LRRK2: variants seen among roughly 807,000 people sequenced by gnomAD.
The protein encoded by LRRK2 is leucine-rich repeat serine/threonine-protein kinase 2.
In LRRK2, 203 loss-of-function variants were observed where a neutral mutation model predicts 302.6. The observed-to-expected ratio is 0.67, with a 90% CI of 0.60 to 0.75. LRRK2 has a LOEUF of 0.75. Among genes scored for constraint, LRRK2 ranks in the 30% least tolerant of loss-of-function variants. The pLI is 0.00. For missense variants in LRRK2, 2,830 were observed against 2,951.0 expected (o/e 0.96, Z 0.95); for synonymous variants, 1,066 against 1,031.9 (o/e 1.03, Z -0.63).
At chr12:40,343,624 G>A (rs918688766) in intron 41 of LRRK2, among the ~76,000 whole-genome samples, 1 of 152,132 alleles carries the variant, frequency 6.6e-6, no homozygotes, top group Admixed American at 6.5e-5. Context: ...TTGTTAAAAT[G>A]CAGGCTTCTC....
Position 40,294,919 on chromosome 12 carries a change from G to A in LRRK2, c.2878+5G>A. On this transcript the variant is annotated splice_donor_5th_base_variant and intron_variant, in intron 22 of 50. Coordinates refer to ENST00000298910, the MANE Select transcript of LRRK2 (RefSeq NM_198578.4). ...TATCTTCAGATGATTCACTCAGTAA[G>A]TATTTGGATGTAATCATAAGTAAAT... 6.8e-7 allele frequency: 1 copy of A among 1,466,224 alleles called. No individual in the cohort carries two copies. The highest frequency in any genetic ancestry group is 1.2e-5 in the South Asian group (1 of 85,068). The allele number at this position is 1,466,224 out of a possible 1,614,324, so 90.8% of individuals were successfully genotyped here.
intron 7 of LRRK2, among the ~76,000 whole-genome samples, chr12:40,245,789 T>G (rs898516795): frequency 2.0e-5 from 3 of 152,122 alleles, no homozygotes; most frequent in Non-Finnish European, 4.4e-5. Flanking sequence ...ATGCAAATGA[T>G]TTTTTGTATA....
At chr12:40,283,270 C>T (rs1403546451) in intron 18 of LRRK2, among the ~76,000 whole-genome samples, 1 of 152,104 alleles carries the variant, frequency 6.6e-6, no homozygotes, top group East Asian at 1.9e-4. Flanking sequence ...ACATGCTAAC[C>T]CACCCTGAAC....
chr12:40,291,364 C>A (rs1368057602), intron 20 of LRRK2, among the ~76,000 whole-genome samples: 1 of 151,404 alleles, frequency 6.6e-6, no homozygotes, highest in Non-Finnish European at 1.5e-5. Flanking sequence ...ACCAGCATGG[C>A]ACATGTATAC....
intron 18 of LRRK2, among the ~76,000 whole-genome samples, chr12:40,281,738 A>G (rs1363049521): frequency 1.3e-5 from 2 of 152,226 alleles, no homozygotes; most frequent in Non-Finnish European, 2.9e-5. Flanking sequence ...TCATGGCACC[A>G]TATGCCTAAA....
At chr12:40,350,402 G>A (rs921515427) in intron 43 of LRRK2, among the ~76,000 whole-genome samples, 10 of 152,154 alleles carry the variant, frequency 6.6e-5, no homozygotes, top group Admixed American at 4.6e-4. Context: ...TCCTTATGGT[G>A]TCAGATCTTC....
At chr12:40,301,182 C>T (rs1944611292) in intron 25 of LRRK2, 1 of 451,084 alleles carries the variant, frequency 2.2e-6, no homozygotes, top group East Asian at 7.0e-5. Context: ...TGAGAAGATG[C>T]CCCATGGAGG....
rs899111399 is a variant in LRRK2, at chr12:40,313,599, C to T, written c.4537-373C>T. On this transcript the variant is annotated intron_variant, in intron 31 of 50. Transcript: ENST00000298910. ...TATCCAAAAGCTCTTGTAATTTGTA[C>T]TGATATCTTATACTAGCGTGTCTGT... is the stretch of plus-strand genomic sequence containing the variant. Among the ~76,000 whole-genome samples the T allele has an allele frequency of 1.1e-4, 17 of 151,858 alleles. 1 individual carries two copies. Among genetic ancestry groups the T allele is most frequent in the Admixed American group, 7.2e-4 (11 of 15,200 alleles).
In LRRK2 at chr12:40,369,138, C is replaced by CA. The variant is rs531520838; in HGVS notation, c.*1380dup. 1.1e-4 allele frequency: 17 copies of CA among 151,692 alleles called. No individual in the cohort carries two copies. Among genetic ancestry groups the CA allele is most frequent in the African/African-American group, 4.1e-4 (17 of 41,430 alleles). The allele number at this position is 151,692 out of a possible 1,614,324, so 9.4% of individuals were successfully genotyped here. ...ATGCTTTAACTTGTTATGTAATTAACAAAAAAATCATATATAATAGAGCTC... is the reference window on the plus strand; with the variant it reads ...ATGCTTTAACTTGTTATGTAATTAACAAAAAAAATCATATATAATAGAGCTC... On this transcript the variant is annotated 3_prime_UTR_variant, in exon 51 of 51. Transcript: ENST00000298910.
rs781020785 is a variant in LRRK2 at position 40,309,218 on chromosome 12, G to A, written c.4302G>A (p.Trp1434Ter). The A allele has an allele frequency of 6.2e-7, 1 of 1,613,542 alleles. No homozygotes were observed. The highest frequency in any genetic ancestry group is 8.5e-7 in the Non-Finnish European group (1 of 1,179,810). The change falls in exon 30 of 51, where the codon TGG becomes TGA. Residue 1434 changes from tryptophan to a stop codon, truncating the protein, a stop_gained. Transcript: ENST00000298910. LOFTEE classifies it high-confidence loss of function. ...CTGAAGTTGATGCCATGAAGCCTTG[G>A]CTCTTCAATATAAAGGTGATTTGTT... ...GQAEVDAMKP[W>*]LFNIKARASS...
At position 40,304,224 on chromosome 12, in the gene LRRK2, C is replaced by T. The variant is rs1944728004; in HGVS notation, c.3777+90C>T. ...TAAGTGATATTTAGCTTCTAAATACCAATTTCATGAAACTAGAAGCTTCCT... is the reference window on the plus strand; with the variant it reads ...TAAGTGATATTTAGCTTCTAAATACTAATTTCATGAAACTAGAAGCTTCCT... On this transcript the variant is annotated intron_variant, in intron 27 of 50. Transcript: ENST00000298910. 17 of 1,255,228 alleles carry T rather than the reference C, an allele frequency of 1.4e-5. No homozygotes were observed. The South Asian group carries it at 1.7e-4, about 13-fold the overall frequency. The allele number at this position is 1,255,228 out of a possible 1,614,324, so 77.8% of individuals were successfully genotyped here. A position where few individuals can be genotyped will look rare whatever the true frequency, so the allele number is the denominator to read the frequency against.
At position 40,240,545 on chromosome 12, in the gene LRRK2, T is replaced by A. The variant is rs1941677800; in HGVS notation, c.634T>A (p.Leu212Ile). 6.2e-7 allele frequency: 1 copy of A among 1,613,216 alleles called. No individual in the cohort carries two copies. The highest frequency in any genetic ancestry group is 1.3e-5 in the African/African-American group (1 of 74,894). ...NKDYMILLSALTNFKDEEEIV... is the reference protein window; with the variant it reads ...NKDYMILLSAITNFKDEEEIV... ...AGATTATATGATATTGTTAAGTGCGTTAACAAATTTTAAAGATGAAGAGGA... is the reference window on the plus strand; with the variant it reads ...AGATTATATGATATTGTTAAGTGCGATAACAAATTTTAAAGATGAAGAGGA... Residue 212 changes from leucine (L) to isoleucine (I), a missense_variant, in exon 6 of 51, where the codon TTA becomes ATA. Leu to Ile is a conservative substitution (Grantham distance 5). Transcript: ENST00000298910.
At position 40,303,995 on chromosome 12, in the gene LRRK2, G is replaced by A. The variant is rs1944718625; in HGVS notation, c.3638G>A (p.Gly1213Asp). 1 of 1,613,554 alleles carries A rather than the reference G, an allele frequency of 6.2e-7. No individual in the cohort carries two copies. The highest frequency in any genetic ancestry group is 8.5e-7 in the Non-Finnish European group (1 of 1,179,768). ...MSSNDIQYLPGPAHWKSLNLR... is the reference protein window; with the variant it reads ...MSSNDIQYLPDPAHWKSLNLR... Reference sequence around the variant, plus strand: ...AGCAATGATATTCAGTACCTACCAGGTCCCGCACACTGGAAATCTTTGAAC... The same window carrying A: ...AGCAATGATATTCAGTACCTACCAGATCCCGCACACTGGAAATCTTTGAAC... The change falls in exon 27 of 51, where the codon GGT becomes GAT. Residue 1213 changes from glycine (G) to aspartate (D), a missense_variant. Gly to Asp is a moderately conservative substitution (Grantham distance 94). Transcript: ENST00000298910.
chr12:40,305,695 G>A (rs1311083924), intron 27 of LRRK2, 90 bp from the exon 28 acceptor site: 2 of 1,132,668 alleles, frequency 1.8e-6, no homozygotes, highest in Non-Finnish European at 2.7e-6. Flanking sequence ...GATGGAATCT[G>A]TGAGCCTTTC....
At chr12:40,350,835 C>G (rs997316301) in intron 43 of LRRK2, among the ~76,000 whole-genome samples, 2 of 152,050 alleles carry the variant, frequency 1.3e-5, no homozygotes, top group African/African-American at 4.8e-5. Flanking sequence ...TTCACCTATA[C>G]TTAACAGAAT....
chr12:40,299,168 T>G lies in LRRK2; in HGVS notation c.3407T>G (p.Leu1136Arg), dbSNP rs1370220562. ...CTGAAGGAACTGAAGATTTTAAACC[T>G]TAGTAAGAACCACATTTCATCCCTA... The part of the protein sequence containing the change: ...LRLKELKILN[L>R]SKNHISSLSE... Residue 1136 changes from leucine (L) to arginine (R), a missense_variant, in exon 25 of 51, where the codon CTT becomes CGT. Around this residue, in one of 3 missense-constraint regions of LRRK2, gnomAD observed 2,121 missense variants for 2,148.0 expected, o/e 0.99. Coordinates refer to ENST00000298910, the MANE Select transcript of LRRK2 (RefSeq NM_198578.4). 2 of 1,613,426 alleles carry G rather than the reference T, an allele frequency of 1.2e-6. No homozygotes were observed. The highest frequency in any genetic ancestry group is 1.7e-6 in the Non-Finnish European group (2 of 1,179,770).
chr12:40,321,959 T>A (rs1945415437), intron 35 of LRRK2, 76 bp from the exon 36 acceptor site: 23 of 1,410,834 alleles, frequency 1.6e-5, no homozygotes, highest in Non-Finnish European at 2.2e-5. Context: ...TGTATTACAA[T>A]CACTTGTGTT....
chr12:40,363,471 T>G lies in LRRK2; in HGVS notation c.7098T>G (p.Ala2366=). The change falls in exon 48 of 51, where the codon GCT becomes GCG. Residue 2366 remains alanine (A), a synonymous_variant. Coordinates refer to ENST00000298910, the MANE Select transcript of LRRK2 (RefSeq NM_198578.4). Reference sequence around the variant, plus strand: ...TGGTAGACACTGCTCTCTATATTGCTAAGCAAAATAGCCCTGTTGTGGAAG... The same window carrying G: ...TGGTAGACACTGCTCTCTATATTGCGAAGCAAAATAGCCCTGTTGTGGAAG... ...TVVVDTALYI[A]KQNSPVVEVW... The G allele has an allele frequency of 6.2e-7, 1 of 1,612,256 alleles. No homozygotes were observed. The highest frequency in any genetic ancestry group is 8.5e-7 in the Non-Finnish European group (1 of 1,178,836).
chr12:40,234,479 A>G (rs2136405445), intron 3 of LRRK2, among the ~76,000 whole-genome samples: 1 of 142,758 alleles, frequency 7.0e-6, no homozygotes, highest in East Asian at 2.1e-4. Flanking sequence ...CCCGGGTTCA[A>G]GTGATTCTCC....
Sources: gnomAD v4.1 joint callset for allele counts (sites outside exome capture counted in the v4.1 genomes callset) on GRCh38, gnomAD v4.1.1 for gene constraint, gnomAD v4.1.1 regional missense constraint, MANE v1.5 for transcripts, NCBI Gene and HGNC (gene_info 2026-07-23, HGNC 2026-07-21) for gene names.